ZNF609: variants seen among roughly 807,000 people sequenced by gnomAD.
The protein encoded by ZNF609 is zinc finger protein 609.
In ZNF609, 11 loss-of-function variants were observed where a neutral mutation model predicts 109.5. The ratio of observed to expected loss-of-function variants is 0.10; its 90% confidence interval spans 0.06 to 0.17. The LOEUF (loss-of-function observed/expected upper bound fraction) is 0.17. ZNF609 is among the 10% of genes least tolerant of loss of function. The pLI, the probability that ZNF609 is intolerant of heterozygous loss-of-function variation, is 1.00. For synonymous variants in ZNF609, 646 were observed against 662.0 expected, an observed-to-expected ratio of 0.98 and a Z score of 0.37; for missense variants, 1,559 against 1,772.4, an observed-to-expected ratio of 0.88 and a Z score of 2.16.
chr15:64,494,619 C>T (rs1893457616), intron 1 of ZNF609, among the ~76,000 whole-genome samples: 1 of 152,036 alleles, frequency 6.6e-6, no homozygotes, highest in African/African-American at 2.4e-5. Context: ...CAGCTCACTG[C>T]CTCCCAGCCA....
intron 3 of ZNF609, among the ~76,000 whole-genome samples, chr15:64,660,621 C>T (rs1317325520): frequency 6.6e-6 from 1 of 152,148 alleles, no homozygotes; most frequent in Non-Finnish European, 1.5e-5. Context: ...TCTGGTCCAC[C>T]GTTGTCACTA....
intron 2 of ZNF609, among the ~76,000 whole-genome samples, chr15:64,577,615 ATG>A (rs1407463177): frequency 0.14 from 2,542 of 18,270 alleles, 758 homozygotes; most frequent in African/African-American, 0.25. Flanking sequence ...ATACATATAT[ATG>A]TGTATATATA....
intron 2 of ZNF609, among the ~76,000 whole-genome samples, chr15:64,591,560 A>G (rs1018064560): frequency 9.2e-5 from 14 of 151,968 alleles, no homozygotes; most frequent in Admixed American, 3.3e-4. Context: ...ACTTCACCCT[A>G]TGAAACTAGT....
At chr15:64,603,810 C>T (rs1036672989) in intron 2 of ZNF609, among the ~76,000 whole-genome samples, 24 of 151,404 alleles carry the variant, frequency 1.6e-4, no homozygotes, top group Admixed American at 8.6e-4. Flanking sequence ...ACCAGCCTGG[C>T]CAAGATGGTG....
intron 2 of ZNF609, among the ~76,000 whole-genome samples, chr15:64,556,748 G>A (rs1467462214): frequency 6.6e-6 from 1 of 152,002 alleles, no homozygotes; most frequent in Non-Finnish European, 1.5e-5. Context: ...TTTACCTTCC[G>A]ATTTTTAGCC....
chr15:64,532,839 AGAG>A (rs1288698397), intron 2 of ZNF609, among the ~76,000 whole-genome samples: 1 of 152,152 alleles, frequency 6.6e-6, no homozygotes, highest in Non-Finnish European at 1.5e-5. Context: ...TAGGTGAAAA[AGAG>A]GACTGGGGCT....
chr15:64,565,091 G>T (rs573637752), intron 2 of ZNF609, among the ~76,000 whole-genome samples: 1 of 143,360 alleles, frequency 7.0e-6, no homozygotes, highest in Non-Finnish European at 1.5e-5. Flanking sequence ...CTTGATTCTC[G>T]GTCTGTCACC....
Position 64,658,759 on chromosome 15 carries a change from T to A in ZNF609, c.974-11587T>A, listed in dbSNP as rs1018809104. On this transcript the variant is annotated intron_variant, in intron 3 of 9. Transcript: ENST00000326648. ...CTTCAGTGAGCCGTAATCATACCAC[T>A]ACACTCCAGCCTGGATGACAAAGAT... Among the ~76,000 whole-genome samples, 4 of 150,512 alleles carry A rather than the reference T, an allele frequency of 2.7e-5. No homozygotes were observed. The South Asian group carries it at 8.4e-4, about 32-fold the overall frequency.
intron 3 of ZNF609, among the ~76,000 whole-genome samples, chr15:64,639,460 T>C (rs1427311825): frequency 6.6e-6 from 1 of 152,244 alleles, no homozygotes; most frequent in African/African-American, 2.4e-5. Context: ...GAATTCTTCT[T>C]TTCTTCTGCT....
intron 2 of ZNF609, among the ~76,000 whole-genome samples, chr15:64,538,964 A>G: frequency 6.6e-6 from 1 of 152,106 alleles, no homozygotes; most frequent in Non-Finnish European, 1.5e-5. Context: ...CCTCCTGAGT[A>G]GCTGGGGCTA....
At chr15:64,681,255 A>G (rs1465672472) in intron 8 of ZNF609, 54 bp from the exon 9 acceptor site, 2 of 1,540,382 alleles carry the variant, frequency 1.3e-6, no homozygotes, top group Non-Finnish European at 1.8e-6. Flanking sequence ...AGGGAAAAAG[A>G]TTAATGGAAG....
chr15:64,462,936 T>A (rs1892963482), intron 1 of ZNF609, among the ~76,000 whole-genome samples: 1 of 152,240 alleles, frequency 6.6e-6, no homozygotes, highest in Non-Finnish European at 1.5e-5. Context: ...GCTCAAATAA[T>A]ATTTATGTAC....
At chr15:64,603,881 C>T (rs1895548644) in intron 2 of ZNF609, among the ~76,000 whole-genome samples, 1 of 151,504 alleles carries the variant, frequency 6.6e-6, no homozygotes, top group Non-Finnish European at 1.5e-5. Context: ...CACCTGTAAT[C>T]CCAGCTACTC....
intron 2 of ZNF609, among the ~76,000 whole-genome samples, chr15:64,612,305 G>A (rs899385973): frequency 9.2e-5 from 14 of 151,576 alleles, no homozygotes; most frequent in African/African-American, 2.7e-4. Flanking sequence ...CCGCCACCAC[G>A]CCCGGTTAAT....
intron 2 of ZNF609, among the ~76,000 whole-genome samples, chr15:64,509,759 ACTT>A (rs1465325327): frequency 2.6e-5 from 4 of 152,208 alleles, no homozygotes; most frequent in African/African-American, 4.8e-5. Context: ...TATATAACCA[ACTT>A]CTTCTGAATT....
intron 2 of ZNF609, among the ~76,000 whole-genome samples, chr15:64,546,427 T>C (rs1478839528): frequency 6.6e-6 from 1 of 150,600 alleles, no homozygotes; most frequent in Non-Finnish European, 1.5e-5. Context: ...TAATGTTCCA[T>C]GTTTCTTTCT....
intron 3 of ZNF609, among the ~76,000 whole-genome samples, chr15:64,645,678 A>G (rs1355967742): frequency 2.6e-5 from 4 of 152,200 alleles, no homozygotes. Flanking sequence ...CCTACAGATC[A>G]ACAATGAAAA....
chr15:64,570,349 A>G (rs1894841415), intron 2 of ZNF609, among the ~76,000 whole-genome samples: 2 of 152,196 alleles, frequency 1.3e-5, no homozygotes, highest in Non-Finnish European at 2.9e-5. Flanking sequence ...TCATTTAAAT[A>G]CTTTTATAAA....
At chr15:64,678,874 C>A (rs1298123709) in intron 6 of ZNF609, among the ~76,000 whole-genome samples, 1 of 152,188 alleles carries the variant, frequency 6.6e-6, no homozygotes, top group Non-Finnish European at 1.5e-5. Context: ...TGAGTTCCTT[C>A]CACTCCCGGA....
Sources: gnomAD v4.1 joint callset for allele counts (sites outside exome capture counted in the v4.1 genomes callset) on GRCh38, gnomAD v4.1.1 for gene constraint, MANE v1.5 for transcripts, NCBI Gene and HGNC (gene_info 2026-07-23, HGNC 2026-07-21) for gene names.